The following FUBP3 variants were observed in gnomAD, a reference collection of about 807,000 sequenced individuals.
FUBP3 encodes far upstream element binding protein 3.
Under a neutral mutation model 85.6 loss-of-function variants are expected in FUBP3, and 28 were observed. The ratio of observed to expected loss-of-function variants is 0.33; its 90% CI spans 0.24 to 0.45. The LOEUF (loss-of-function observed/expected upper bound fraction) is 0.45. FUBP3 is among the 20% of genes least tolerant of loss of function. The pLI, the probability that FUBP3 is intolerant of heterozygous loss-of-function variation, is 1.00. For synonymous variants in FUBP3, 271 were observed against 271.4 expected (o/e 1.00, Z 0.01); for missense variants, 583 against 755.1 (o/e 0.77, Z 2.67).
intron 1 of FUBP3, chr9:130,582,015 C>T (rs1463941047): frequency 6.6e-6 from 1 of 152,204 alleles, no homozygotes; most frequent in African/African-American, 2.4e-5. Flanking sequence ...TGTTAGTTTA[C>T]TCTGAGCATG....
chr9:130,627,257 C>T (rs1015384823), intron 12 of FUBP3, among the ~76,000 whole-genome samples: 11 of 152,242 alleles, frequency 7.2e-5, no homozygotes, highest in Admixed American at 1.3e-4. Context: ...GCTCGGCTTC[C>T]GTGGGGCTCT....
intron 16 of FUBP3, among the ~76,000 whole-genome samples, chr9:130,634,431 G>C (rs1830336921): frequency 6.6e-6 from 1 of 152,236 alleles, no homozygotes; most frequent in Non-Finnish European, 1.5e-5. Context: ...CATCTGAAGA[G>C]GGTCAGGCTA....
chr9:130,594,515 A>G (rs1830767577), intron 1 of FUBP3, among the ~76,000 whole-genome samples: 1 of 152,048 alleles, frequency 6.6e-6, no homozygotes. Flanking sequence ...CCCAGGAGGC[A>G]GAGGTTACAG....
chr9:130,620,135 G>A (rs1363927887), intron 8 of FUBP3, among the ~76,000 whole-genome samples: 2 of 152,158 alleles, frequency 1.3e-5, no homozygotes, highest in East Asian at 3.9e-4. Context: ...ATAGAAGGTG[G>A]ACCCTTCCCC....
intron 5 of FUBP3, 32 bp from the exon 6 acceptor site, chr9:130,614,256 A>T (rs771363680): frequency 2.7e-6 from 4 of 1,490,802 alleles, no homozygotes; most frequent in Non-Finnish European, 3.7e-6. Context: ...GGTGCCCACC[A>T]ACACCCCTCA....
chr9:130,582,994 A>G (rs529405330), intron 1 of FUBP3, among the ~76,000 whole-genome samples: 4 of 152,210 alleles, frequency 2.6e-5, no homozygotes, highest in South Asian at 2.1e-4. Flanking sequence ...GACCCACTCA[A>G]TGCCTCTGGA....
chr9:130,595,628 G>T, intron 2 of FUBP3, 40 bp downstream of exon 2: 1 of 866,384 alleles, frequency 1.2e-6, no homozygotes, highest in South Asian at 1.3e-5. Context: ...AGGTGGTAGT[G>T]AACCTGCCAG....
chr9:130,636,938 A>G, intron 18 of FUBP3, 76 bp from the exon 19 acceptor site: 1 of 1,284,356 alleles, frequency 7.8e-7, no homozygotes, highest in South Asian at 1.2e-5. Flanking sequence ...GTGACGCGAG[A>G]CCTGGGGGAG....
chr9:130,630,237 T>A (rs552339489), intron 12 of FUBP3, among the ~76,000 whole-genome samples: 33 of 152,334 alleles, frequency 2.2e-4, no homozygotes, highest in Admixed American at 2.2e-3. Flanking sequence ...ATTCTTGTGC[T>A]AAGAAGGGCA....
Position 130,616,561 on chromosome 9 carries a change from G to T in FUBP3, c.567+44G>T. On this transcript the variant is annotated intron_variant, in intron 7 of 18. Transcript: ENST00000319725. This position sits in a 1 kb window ranked among gnomAD's most constrained non-coding sequence, Gnocchi z 4.7. The stretch of plus-strand genomic sequence containing the variant: ...CGGAGCACAGCGGCCGCTCGCAGCA[G>T]GTCTTCAGCTTCCTGGCCCAGGAGA... 6.3e-7 allele frequency: 1 copy of T among 1,589,746 alleles called. No homozygotes were observed. Among genetic ancestry groups the T allele is most frequent in the Non-Finnish European group, 8.6e-7 (1 of 1,159,294 alleles).
intron 2 of FUBP3, among the ~76,000 whole-genome samples, chr9:130,600,662 A>G (rs1250673140): frequency 6.6e-6 from 1 of 151,892 alleles, no homozygotes; most frequent in Non-Finnish European, 1.5e-5. Flanking sequence ...AAGCTTTTTT[A>G]TAAAGGACCT....
At chr9:130,599,471 G>A (rs1206093768) in intron 2 of FUBP3, among the ~76,000 whole-genome samples, 1 of 151,710 alleles carries the variant, frequency 6.6e-6, no homozygotes, top group East Asian at 1.9e-4. Context: ...AAGGGATTTG[G>A]GTTAGTTGTG....
chr9:130,600,845 G>A (rs1286828762), intron 2 of FUBP3, among the ~76,000 whole-genome samples: 1 of 151,158 alleles, frequency 6.6e-6, no homozygotes, highest in East Asian at 2.0e-4. Flanking sequence ...GTGTGGTGGT[G>A]CATGCCTGCA....
Position 130,587,001 on chromosome 9 carries a change from G to A in FUBP3, c.84+7237G>A, listed in dbSNP as rs186717062. Among the ~76,000 whole-genome samples the A allele has an allele frequency of 1.1e-4, 16 of 151,506 alleles. No individual in the cohort carries two copies. The East Asian group carries it at 2.9e-3, about 28-fold the overall frequency. On this transcript the variant is annotated intron_variant, in intron 1 of 18. Coordinates refer to ENST00000319725, the MANE Select transcript of FUBP3 (RefSeq NM_003934.2). ...CCTGACCTTGTGATCCACCTGCCTCGGCCTCCCAAAGTGCTAGGATTACAG... is the reference window on the plus strand; with the variant it reads ...CCTGACCTTGTGATCCACCTGCCTCAGCCTCCCAAAGTGCTAGGATTACAG...
At chr9:130,632,088 A>T in intron 15 of FUBP3, 66 bp downstream of exon 15, 2 of 1,476,692 alleles carry the variant, frequency 1.4e-6, no homozygotes, top group Non-Finnish European at 1.9e-6. Context: ...GCTATTGCCG[A>T]CAGGCAAGGG....
At chr9:130,634,837 C>T in intron 17 of FUBP3, 99 bp downstream of exon 17, 1 of 890,456 alleles carries the variant, frequency 1.1e-6, no homozygotes, top group Non-Finnish European at 1.8e-6. Flanking sequence ...TCCCTAATGC[C>T]TTCCCTGTGT....
At chr9:130,631,085 C>G (rs914838651) in intron 13 of FUBP3, 31 of 1,089,504 alleles carry the variant, frequency 2.8e-5, no homozygotes, top group African/African-American at 1.3e-4. Flanking sequence ...AGCCTCCCCC[C>G]ACGCTGCCCC....
chr9:130,607,411 C>T (rs994566916), intron 2 of FUBP3, among the ~76,000 whole-genome samples: 1 of 152,080 alleles, frequency 6.6e-6, no homozygotes, highest in Non-Finnish European at 1.5e-5. Flanking sequence ...ACGAGAACTA[C>T]ACCTGTATAT....
At chr9:130,599,739 T>C (rs1018160862) in intron 2 of FUBP3, among the ~76,000 whole-genome samples, 2 of 152,226 alleles carry the variant, frequency 1.3e-5, no homozygotes, top group African/African-American at 4.8e-5. Context: ...GGAATCTGCC[T>C]TCTGGTCTCA....
Sources: gnomAD v4.1 joint callset for allele counts (sites outside exome capture counted in the v4.1 genomes callset) on GRCh38, gnomAD v4.1.1 for gene constraint, Gnocchi (gnomAD v3.1) non-coding constraint, MANE v1.5 for transcripts, NCBI Gene and HGNC (gene_info 2026-07-23, HGNC 2026-07-21) for gene names.